The following SLC39A11 variants were observed in gnomAD, a reference collection of about 807,000 sequenced individuals.
SLC39A11 encodes zinc transporter ZIP11.
A neutral mutation model predicts 36.1 loss-of-function variants in SLC39A11; 33 were observed. The ratio of observed to expected loss-of-function variants is 0.91; its 90% CI spans 0.69 to 1.22. SLC39A11 has a LOEUF of 1.22. SLC39A11 is among the 50% of genes most tolerant of loss of function. The pLI, the probability that SLC39A11 is intolerant of heterozygous loss-of-function variation, is 0.00. For missense variants in SLC39A11, 432 were observed against 430.3 expected (o/e 1.00, Z -0.03); for synonymous variants, 166 against 170.3 (o/e 0.97, Z 0.20).
chr17:73,074,587 G>A (rs914779963), intron 3 of SLC39A11, among the ~76,000 whole-genome samples: 2 of 152,038 alleles, frequency 1.3e-5, no homozygotes, highest in Admixed American at 6.6e-5. Flanking sequence ...GTGAGCCACC[G>A]TACCCAGCCA....
At chr17:73,036,442 T>TG (rs2058918874) in intron 3 of SLC39A11, among the ~76,000 whole-genome samples, 1 of 137,236 alleles carries the variant, frequency 7.3e-6, no homozygotes, top group African/African-American at 3.0e-5. Context: ...TTTTGTTTTT[T>TG]GTTTTTTTTC....
intron 4 of SLC39A11, among the ~76,000 whole-genome samples, chr17:72,963,084 C>A (rs2086717529): frequency 6.6e-6 from 1 of 151,886 alleles, no homozygotes; most frequent in South Asian, 2.1e-4. Flanking sequence ...ATAACCTGAT[C>A]AGTAACTTAA....
Position 72,882,800 on chromosome 17 carries a change from T to TTTTTTTTTTCTTTTTCTC in SLC39A11, c.431-32997_431-32996insGAGAAAAAGAAAAAAAAA, listed in dbSNP as rs1567878798. ...GCTTGAGGGAGAGAGAATGCTTCTT[T>TTTTTTTTTTCTTTTTCTC]TTTTTTTTTTTTTTGAGATGGAGTC... On this transcript the variant is annotated intron_variant, in intron 5 of 9. Transcript: ENST00000255559. Among the ~76,000 whole-genome samples, 9 of 118,024 alleles carry TTTTTTTTTTCTTTTTCTC rather than the reference T, an allele frequency of 7.6e-5. No individual in the cohort carries two copies. In the South Asian group the frequency reaches 2.1e-3, roughly 27 times the overall value. The allele number at this position is 118,024 out of a possible 152,430, so 77.4% of individuals were successfully genotyped here.
At chr17:72,692,629 C>CCCTG (rs1451740938) in intron 7 of SLC39A11, among the ~76,000 whole-genome samples, 2 of 152,206 alleles carry the variant, frequency 1.3e-5, no homozygotes, top group Non-Finnish European at 2.9e-5. Flanking sequence ...AATTACCTCC[C>CCCTG]CCTGGTTCCC....
intron 3 of SLC39A11, among the ~76,000 whole-genome samples, chr17:73,043,174 G>A (rs1184308167): frequency 1.3e-5 from 2 of 152,202 alleles, no homozygotes; most frequent in African/African-American, 4.8e-5. Flanking sequence ...TGGAAGGCTG[G>A]ACACAATTTG....
intron 6 of SLC39A11, among the ~76,000 whole-genome samples, chr17:72,795,386 A>G (rs928323630): frequency 6.6e-6 from 1 of 152,118 alleles, no homozygotes; most frequent in African/African-American, 2.4e-5. Flanking sequence ...GGCTGCTGAT[A>G]ACATGGCAGC....
chr17:73,045,029 C>T (rs2059233819), intron 3 of SLC39A11, among the ~76,000 whole-genome samples: 2 of 152,014 alleles, frequency 1.3e-5, no homozygotes, highest in Non-Finnish European at 2.9e-5. Flanking sequence ...CTCAAAAAGG[C>T]TACCTGCTCC....
At chr17:72,953,603 A>C (rs2086023402) in intron 4 of SLC39A11, among the ~76,000 whole-genome samples, 1 of 152,196 alleles carries the variant, frequency 6.6e-6, no homozygotes, top group Admixed American at 6.5e-5. Context: ...CCAGAGCATC[A>C]CTGAAGGGAC....
At chr17:72,684,475 G>A (rs760359469) in intron 7 of SLC39A11, among the ~76,000 whole-genome samples, 1 of 152,168 alleles carries the variant, frequency 6.6e-6, no homozygotes, top group East Asian at 1.9e-4. Context: ...TTGGGCAGGC[G>A]TGCCCTGCTA....
At chr17:72,983,337 C>A (rs35271704) in intron 4 of SLC39A11, among the ~76,000 whole-genome samples, 87 of 152,182 alleles carry the variant, frequency 5.7e-4, no homozygotes, top group Non-Finnish European at 1.2e-3. Flanking sequence ...TTAGTAGAGA[C>A]GAGGTTTCAC....
At chr17:73,032,429 A>C (rs1273293262) in intron 3 of SLC39A11, among the ~76,000 whole-genome samples, 1 of 151,854 alleles carries the variant, frequency 6.6e-6, no homozygotes. Flanking sequence ...CTGGTCTCAA[A>C]CTCTTGAACT....
intron 1 of SLC39A11, among the ~76,000 whole-genome samples, chr17:73,090,466 A>C (rs1183692626): frequency 9.2e-5 from 14 of 152,184 alleles, no homozygotes; most frequent in Admixed American, 9.2e-4. Context: ...CCACCCTAAA[A>C]AGAGGGGTTG....
chr17:73,041,391 C>A (rs894837814), intron 3 of SLC39A11, among the ~76,000 whole-genome samples: 7 of 152,190 alleles, frequency 4.6e-5, no homozygotes, highest in Non-Finnish European at 1.0e-4. Context: ...CACAAAGCCC[C>A]AGAATAGCCA....
At chr17:73,084,783 A>T in intron 3 of SLC39A11, 25 bp downstream of exon 3, 1 of 1,613,548 alleles carries the variant, frequency 6.2e-7, no homozygotes, top group African/African-American at 1.3e-5. Context: ...CTCAATTTCC[A>T]TTTCTCCTAC....
In SLC39A11 at chr17:72,802,405, C is replaced by A. The variant is rs375859382; in HGVS notation, c.601+47229G>T. On this transcript the variant is annotated intron_variant, in intron 6 of 9. Coordinates refer to ENST00000255559, the MANE Select transcript of SLC39A11 (RefSeq NM_139177.4). ...AGGAGTTTGAGACCAGCCTGACCAGCGTGGTGAAAACCCGTCTCTACTAAA... is the reference window on the plus strand; with the variant it reads ...AGGAGTTTGAGACCAGCCTGACCAGAGTGGTGAAAACCCGTCTCTACTAAA... 4.6e-5 allele frequency among the ~76,000 whole-genome samples: 7 copies of A among 151,798 alleles called. No homozygotes were observed. In the East Asian group the frequency reaches 1.2e-3, roughly 25 times the overall value.
At chr17:73,050,708 G>A (rs1481524202) in intron 3 of SLC39A11, among the ~76,000 whole-genome samples, 4 of 152,180 alleles carry the variant, frequency 2.6e-5, no homozygotes, top group Admixed American at 1.3e-4. Flanking sequence ...CAAGTGATCC[G>A]CCCATCTCGG....
intron 5 of SLC39A11, among the ~76,000 whole-genome samples, chr17:72,870,166 C>T (rs1249014076): frequency 2.0e-5 from 3 of 151,978 alleles, no homozygotes; most frequent in Non-Finnish European, 2.9e-5. Flanking sequence ...GTCTAATGTG[C>T]GAGGTCAGCA....
chr17:72,951,058 T>A lies in SLC39A11; in HGVS notation c.307-3183A>T, dbSNP rs117362160. On this transcript the variant is annotated intron_variant, in intron 4 of 9. Coordinates refer to ENST00000255559, the MANE Select transcript of SLC39A11 (RefSeq NM_139177.4). ...GGGAGGATCACTTGAGCCCAGGAGT[T>A]CGAGACCAGCCTAGGCAACATAGTG... Among the ~76,000 whole-genome samples the A allele has an allele frequency of 6.5e-3, 978 of 150,828 alleles. 35 individuals carry two copies. In the East Asian group the frequency reaches 0.082, roughly 13 times the overall value.
At chr17:72,723,482 C>A (rs1266677560) in intron 7 of SLC39A11, among the ~76,000 whole-genome samples, 1 of 152,076 alleles carries the variant, frequency 6.6e-6, no homozygotes, top group Admixed American at 6.5e-5. Flanking sequence ...ACCAGTGAGG[C>A]CAACCCCAAA....
Sources: gnomAD v4.1 joint callset for allele counts (sites outside exome capture counted in the v4.1 genomes callset) on GRCh38, gnomAD v4.1.1 for gene constraint, MANE v1.5 for transcripts, NCBI Gene and HGNC (gene_info 2026-07-23, HGNC 2026-07-21) for gene names.